ARHGEF6: variants seen among roughly 807,000 people sequenced by gnomAD.
ARHGEF6 encodes the protein rho guanine nucleotide exchange factor 6.
A neutral mutation model predicts 70.3 loss-of-function variants in ARHGEF6; 9 were observed. That is an observed-to-expected ratio of 0.13 (90% CI 0.08 to 0.22). The LOEUF is 0.22. ARHGEF6 is among the 10% of genes least tolerant of loss of function. The pLI is 1.00. For missense variants in ARHGEF6, 470 were observed against 563.0 expected, an observed-to-expected ratio of 0.83 and a Z score of 1.67; for synonymous variants, 201 against 207.8, an observed-to-expected ratio of 0.97 and a Z score of 0.28.
At chrX:136,772,303 A>C (rs1299696973) in intron 2 of ARHGEF6, among the ~76,000 whole-genome samples, 1 of 111,500 alleles carries the variant, frequency 9.0e-6, no homozygotes, top group Non-Finnish European at 1.9e-5. Context: ...TAATGGGTAC[A>C]AAAAAAATTG....
chrX:136,685,660 G>T lies in ARHGEF6; in HGVS notation c.1392+17C>A. 1 of 1,182,366 alleles carries T rather than the reference G, an allele frequency of 8.5e-7. No individual in the cohort carries two copies. The highest frequency in any genetic ancestry group is 1.1e-6 in the Non-Finnish European group (1 of 872,497). On this transcript the variant is annotated intron_variant, in intron 12 of 21. Coordinates refer to ENST00000250617, the MANE Select transcript of ARHGEF6 (RefSeq NM_004840.3). ...CGAAAGATGGAAGAAATAATGTTGA[G>T]ATTTGAAATACCTTACCTCACATGC...
chrX:136,723,942 AT>A (rs1367319634), intron 6 of ARHGEF6, among the ~76,000 whole-genome samples: 3 of 111,536 alleles, frequency 2.7e-5, no homozygotes, highest in African/African-American at 9.8e-5. Flanking sequence ...AAATATAAAA[AT>A]AAAAATAAAA....
At chrX:136,740,759 C>G (rs2077034021) in intron 5 of ARHGEF6, among the ~76,000 whole-genome samples, 1 of 111,748 alleles carries the variant, frequency 8.9e-6, no homozygotes, top group African/African-American at 3.3e-5. Context: ...TTCCCAGGTC[C>G]CCTCGCAGTG....
At chrX:136,684,824 C>T (rs1352878672) in intron 12 of ARHGEF6, among the ~76,000 whole-genome samples, 2 of 111,838 alleles carry the variant, frequency 1.8e-5, no homozygotes, top group Admixed American at 9.5e-5. Context: ...GTGTTACCAC[C>T]GTCTTAGGGG....
intron 3 of ARHGEF6, among the ~76,000 whole-genome samples, chrX:136,746,365 A>AT (rs201359121): frequency 4.1e-3 from 456 of 110,875 alleles, no homozygotes; most frequent in Non-Finnish European, 6.8e-3. Context: ...GCTCAAAAGC[A>AT]TTTTTTTTTC....
In ARHGEF6 at chrX:136,671,927, C is replaced by T. The variant is rs2076228921; in HGVS notation, c.2135+93G>A. On this transcript the variant is annotated intron_variant, in intron 20 of 21. Transcript: ENST00000250617. Reference sequence around the variant, plus strand: ...CATTCCCAGGTAAGGAGGAGTTGTCCCTCATCATAGACTCTCCAGGAGCTC... The same window carrying T: ...CATTCCCAGGTAAGGAGGAGTTGTCTCTCATCATAGACTCTCCAGGAGCTC... 4.1e-6 allele frequency: 3 copies of T among 723,298 alleles called. No individual in the cohort carries two copies. In the South Asian group the frequency reaches 6.4e-5, roughly 15 times the overall value. 59.6% of individuals were successfully genotyped at this position (723,298 alleles called of 1,213,427 possible).
intron 9 of ARHGEF6, among the ~76,000 whole-genome samples, chrX:136,701,997 G>A (rs1024959963): frequency 2.7e-5 from 3 of 111,408 alleles, no homozygotes; most frequent in African/African-American, 9.8e-5. Context: ...GCGAGCCACC[G>A]CACCCGGCCT....
intron 17 of ARHGEF6, among the ~76,000 whole-genome samples, chrX:136,677,687 C>T (rs2076294087): frequency 9.0e-6 from 1 of 110,779 alleles, no homozygotes; most frequent in Non-Finnish European, 1.9e-5. Context: ...ACAAAAATAA[C>T]AGGAAAAAAC....
At chrX:136,743,878 G>T in intron 4 of ARHGEF6, 92 bp from the exon 5 acceptor site, 2 of 873,455 alleles carry the variant, frequency 2.3e-6, no homozygotes, top group Non-Finnish European at 3.3e-6. Context: ...AGTGGAGGAA[G>T]CAAAGACAAA....
In ARHGEF6 at chrX:136,666,482, A is replaced by C. The variant is rs2076162427; in HGVS notation, c.*1547T>G. The C allele has an allele frequency of 8.9e-6, 1 of 112,183 alleles. No homozygotes were observed. 9.2% of individuals were successfully genotyped at this position (112,183 alleles called of 1,213,427 possible). On this transcript the variant is annotated 3_prime_UTR_variant, in exon 22 of 22. Transcript: ENST00000250617. ...ATGATCCTCCCACCTCAGCCTCCTG[A>C]GTAGCTGGGACCACAGGTGTGGGCC... is the stretch of plus-strand genomic sequence containing the variant.
At chrX:136,727,387 TTCTTTCTTTC>T (rs1237380306) in intron 6 of ARHGEF6, among the ~76,000 whole-genome samples, 801 of 70,979 alleles carry the variant, frequency 0.011, 9 homozygotes, top group Non-Finnish European at 0.017. Context: ...CTTTCTTTCT[TTCTTTCTTTC>T]TCTCTCTCTC....
At chrX:136,721,391 T>C (rs1014438553) in intron 6 of ARHGEF6, among the ~76,000 whole-genome samples, 2 of 110,928 alleles carry the variant, frequency 1.8e-5, no homozygotes, top group Admixed American at 1.9e-4. Context: ...GGTGAGACCC[T>C]GTCTCTACAA....
intron 2 of ARHGEF6, chrX:136,767,579 C>T: frequency 2.7e-6 from 2 of 754,521 alleles, no homozygotes; most frequent in Non-Finnish European, 3.1e-6. Flanking sequence ...GTGCCGGAGG[C>T]GCGCCCCGCT....
chrX:136,753,631 T>C (rs2077174872), intron 2 of ARHGEF6, among the ~76,000 whole-genome samples: 1 of 111,572 alleles, frequency 9.0e-6, no homozygotes, highest in Admixed American at 9.5e-5. Flanking sequence ...TTACTAAAAA[T>C]AAATGAAGCA....
intron 5 of ARHGEF6, among the ~76,000 whole-genome samples, chrX:136,740,796 C>A (rs1220163097): frequency 1.8e-5 from 2 of 111,747 alleles, no homozygotes; most frequent in Admixed American, 1.9e-4. Context: ...AAAATTACTG[C>A]TCCTTTTAGT....
At chrX:136,708,091 T>C (rs1302440745) in intron 8 of ARHGEF6, among the ~76,000 whole-genome samples, 1 of 112,038 alleles carries the variant, frequency 8.9e-6, no homozygotes, top group Admixed American at 9.5e-5. Context: ...TTTGAATGAC[T>C]TTTCCAAGTA....
intron 2 of ARHGEF6, among the ~76,000 whole-genome samples, chrX:136,773,339 G>A (rs1603357478): frequency 8.9e-6 from 1 of 112,034 alleles, no homozygotes; most frequent in South Asian, 3.7e-4. Context: ...CACTGTGCCA[G>A]GCACTTTGGG....
rs2148623005 is a variant in ARHGEF6 at position 136,713,312 on chromosome X, A to G, written c.791T>C (p.Leu264Pro). 2 of 1,209,733 alleles carry G rather than the reference A, an allele frequency of 1.7e-6. No homozygotes were observed. The highest frequency in any genetic ancestry group is 2.2e-6 in the Non-Finnish European group (2 of 893,858). Residue 264 changes from leucine (L) to proline (P), a missense_variant, in exon 7 of 22, where the codon CTT (leucine) becomes CCT (proline). By Grantham distance (98) the Leu-to-Pro change is moderately conservative. Coordinates refer to ENST00000250617, the MANE Select transcript of ARHGEF6 (RefSeq NM_004840.3). ...KEYAKELQSL[L>P]VTYLRPLQSN... The stretch of plus-strand genomic sequence containing the variant: ...CTGCAGGGGTCTTAAGTAAGTAACA[A>G]GAAGAGACTGAAGTTCTTTAGCATA...
intron 12 of ARHGEF6, among the ~76,000 whole-genome samples, chrX:136,685,453 G>A (rs2076373764): frequency 1.8e-5 from 2 of 110,457 alleles, no homozygotes; most frequent in Non-Finnish European, 3.8e-5. Context: ...TGATTTGAAT[G>A]TTGTAGCATT....
Sources: allele counts gnomAD v4.1 joint callset (sites outside exome capture counted in the v4.1 genomes callset), GRCh38; gene constraint gnomAD v4.1.1; transcripts MANE v1.5; gene names NCBI Gene and HGNC (gene_info 2026-07-23, HGNC 2026-07-21).